The following CHIC2 variants were observed in gnomAD, a reference collection of about 807,000 sequenced individuals.
The protein encoded by CHIC2 is cysteine rich hydrophobic domain 2.
Under a neutral mutation model 25.9 loss-of-function variants are expected in CHIC2, and 14 were observed. The observed-to-expected ratio is 0.54, with a 90% confidence interval of 0.36 to 0.85. The LOEUF (loss-of-function observed/expected upper bound fraction) is 0.85. Ranked by LOEUF, CHIC2 falls within the 40% of genes least tolerant of loss-of-function variation. The pLI, the probability that CHIC2 is intolerant of heterozygous loss-of-function variation, is 0.01. For synonymous variants in CHIC2, 70 were observed against 72.0 expected, an observed-to-expected ratio of 0.97 and a Z score of 0.14; for missense variants, 146 against 202.0, an observed-to-expected ratio of 0.72 and a Z score of 1.68.
upstream of CHIC2, among the ~76,000 whole-genome samples, chr4:54,068,489 A>G (rs1326931804): frequency 6.6e-6 from 1 of 152,224 alleles, no homozygotes; most frequent in African/African-American, 2.4e-5. Context: ...TTCCAAAGCT[A>G]TGAGAAATAA....
chr4:54,027,083 T>C (rs1560385267), intron 3 of CHIC2, among the ~76,000 whole-genome samples: 1 of 152,154 alleles, frequency 6.6e-6, no homozygotes, highest in Non-Finnish European at 1.5e-5. Flanking sequence ...AGTAGAAAGC[T>C]GGATGAAAAA....
At chr4:54,066,583 G>A (rs574527323), upstream of CHIC2, among the ~76,000 whole-genome samples, 11 of 151,406 alleles carry the variant, frequency 7.3e-5, no homozygotes, top group African/African-American at 2.7e-4. Context: ...AAGATTTAAT[G>A]GTCTAATTGA....
chr4:54,027,656 C>T lies in CHIC2; in HGVS notation c.331-13537G>A, dbSNP rs188031463. Among the ~76,000 whole-genome samples the T allele has an allele frequency of 5.9e-5, 9 of 152,210 alleles. No homozygotes were observed. The East Asian group carries it at 1.7e-3, about 29-fold the overall frequency. On this transcript the variant is annotated intron_variant, in intron 3 of 5. Coordinates refer to ENST00000263921, the MANE Select transcript of CHIC2 (RefSeq NM_012110.4). ...AAGATAGTGAAGAAGGGGCAAGAAACCACAAATTAAATGCCTAGGGCTAGA... is the reference window on the plus strand; with the variant it reads ...AAGATAGTGAAGAAGGGGCAAGAAATCACAAATTAAATGCCTAGGGCTAGA...
At chr4:54,071,502 G>T in the CHIC2 span, among the ~76,000 whole-genome samples, 1 of 152,208 alleles carries the variant, frequency 6.6e-6, no homozygotes, top group African/African-American at 2.4e-5. Flanking sequence ...ACTTGGCCAA[G>T]GCCACACAAC....
chr4:54,074,304 C>T, the CHIC2 span, among the ~76,000 whole-genome samples: 2 of 152,252 alleles, frequency 1.3e-5, no homozygotes, highest in East Asian at 1.9e-4. Flanking sequence ...CTGGTTTTCA[C>T]TTTTAAGATC....
rs771066012 is a variant in CHIC2 at position 54,064,564 on chromosome 4, G to C, written c.-264C>G. Reference sequence around the variant, plus strand: ...AGAGGCCGACACCTCCACAAGCACAGACGCCGCTGCCGCCGCCGCAGCAGC... The same window carrying C: ...AGAGGCCGACACCTCCACAAGCACACACGCCGCTGCCGCCGCCGCAGCAGC... On this transcript the variant is annotated 5_prime_UTR_variant, in exon 1 of 6. Coordinates refer to ENST00000263921, the MANE Select transcript of CHIC2 (RefSeq NM_012110.4). This position sits in a 1 kb window ranked among gnomAD's most constrained non-coding sequence, Gnocchi z 4.2. 36 of 1,288,016 alleles carry C rather than the reference G, an allele frequency of 2.8e-5. No individual in the cohort carries two copies. In the Middle Eastern group the frequency reaches 1.2e-3, roughly 43 times the overall value. The allele number at this position is 1,288,016 out of a possible 1,614,324, so 79.8% of individuals were successfully genotyped here.
the CHIC2 span, among the ~76,000 whole-genome samples, chr4:54,084,730 A>G: frequency 6.6e-6 from 1 of 152,114 alleles, no homozygotes; most frequent in Non-Finnish European, 1.5e-5. Flanking sequence ...ACTTGAGGCC[A>G]GGAGTTTGAG....
At chr4:54,021,525 A>C (rs1251915923) in intron 3 of CHIC2, among the ~76,000 whole-genome samples, 1 of 151,956 alleles carries the variant, frequency 6.6e-6, no homozygotes, top group Non-Finnish European at 1.5e-5. Context: ...TCTTTTTATC[A>C]ACTCCCCTCA....
At chr4:54,044,667 T>C (rs1007896683) in intron 3 of CHIC2, among the ~76,000 whole-genome samples, 20 of 152,238 alleles carry the variant, frequency 1.3e-4, no homozygotes, top group South Asian at 6.2e-4. Context: ...GGGAAATTTA[T>C]AGCACTAAAT....
intron 3 of CHIC2, among the ~76,000 whole-genome samples, chr4:54,026,126 T>C (rs760202358): frequency 1.3e-5 from 2 of 152,208 alleles, no homozygotes; most frequent in Non-Finnish European, 2.9e-5. Flanking sequence ...AAATCTATAC[T>C]AGGAAATGAT....
the CHIC2 span, among the ~76,000 whole-genome samples, chr4:54,077,918 C>A: frequency 6.6e-6 from 1 of 152,214 alleles, no homozygotes; most frequent in Non-Finnish European, 1.5e-5. Flanking sequence ...AAATCAGAGA[C>A]CATTCAAACC....
intron 3 of CHIC2, among the ~76,000 whole-genome samples, chr4:54,028,757 G>A (rs1716133757): frequency 6.6e-6 from 1 of 152,078 alleles, no homozygotes; most frequent in African/African-American, 2.4e-5. Flanking sequence ...TAAACATCAG[G>A]AATTTAGCCA....
intron 3 of CHIC2, among the ~76,000 whole-genome samples, chr4:54,019,036 C>T (rs979692450): frequency 6.6e-6 from 1 of 151,594 alleles, no homozygotes; most frequent in Non-Finnish European, 1.5e-5. Flanking sequence ...TTAAGTAAAA[C>T]AATGTCTTTA....
chr4:54,058,940 A>C (rs1366504550), intron 1 of CHIC2, among the ~76,000 whole-genome samples: 1 of 152,160 alleles, frequency 6.6e-6, no homozygotes, highest in Non-Finnish European at 1.5e-5. Context: ...TAGTCATATA[A>C]AATTTTAAGT....
intron 3 of CHIC2, among the ~76,000 whole-genome samples, chr4:54,047,939 TAC>T (rs1716886913): frequency 6.6e-6 from 1 of 152,142 alleles, no homozygotes; most frequent in Non-Finnish European, 1.5e-5. Context: ...AAGAATATAA[TAC>T]ATTCAATCTA....
At chr4:54,043,551 C>A (rs1381222429) in intron 3 of CHIC2, among the ~76,000 whole-genome samples, 3 of 151,666 alleles carry the variant, frequency 2.0e-5, no homozygotes, top group Non-Finnish European at 4.4e-5. Context: ...TCCAGCCAAA[C>A]TAAGCTTCAT....
intron 3 of CHIC2, among the ~76,000 whole-genome samples, chr4:54,017,333 A>G (rs1715767385): frequency 1.3e-5 from 2 of 152,242 alleles, no homozygotes; most frequent in Non-Finnish European, 2.9e-5. Context: ...ACATGAAACA[A>G]AGTACCAAAA....
chr4:54,044,014 A>G (rs1716683163), intron 3 of CHIC2, among the ~76,000 whole-genome samples: 1 of 152,238 alleles, frequency 6.6e-6, no homozygotes, highest in Non-Finnish European at 1.5e-5. Context: ...CTAGTCTCGG[A>G]TAAAACAGAC....
chr4:54,071,874 A>C, the CHIC2 span, among the ~76,000 whole-genome samples: 1 of 152,182 alleles, frequency 6.6e-6, no homozygotes, highest in South Asian at 2.1e-4. Flanking sequence ...ATTTCATACC[A>C]TGTGTACACA....
Sources: gnomAD v4.1 joint callset for allele counts (sites outside exome capture counted in the v4.1 genomes callset) on GRCh38, gnomAD v4.1.1 for gene constraint, Gnocchi (gnomAD v3.1) non-coding constraint, MANE v1.5 for transcripts, NCBI Gene and HGNC (gene_info 2026-07-23, HGNC 2026-07-21) for gene names.